Variants in VWA5B1 observed in about 807,000 individuals in gnomAD.
The protein encoded by VWA5B1 is von Willebrand factor A domain containing 5B1.
In VWA5B1, 115 loss-of-function variants were observed where a neutral mutation model predicts 118.2. The observed-to-expected ratio is 0.97, with a 90% CI of 0.84 to 1.14. VWA5B1 has a LOEUF of 1.14. Among genes scored for constraint, VWA5B1 ranks in the 50% most tolerant of loss-of-function variants. The pLI, the probability that VWA5B1 is intolerant of heterozygous loss-of-function variation, is 0.00. For missense variants in VWA5B1, 1,596 were observed against 1,603.8 expected (o/e 1.00, Z 0.08); for synonymous variants, 682 against 658.4 (o/e 1.04, Z -0.55).
At chr1:20,334,406 C>T (rs1373492276) in intron 12 of VWA5B1, among the ~76,000 whole-genome samples, 1 of 152,204 alleles carries the variant, frequency 6.6e-6, no homozygotes, top group Non-Finnish European at 1.5e-5. Flanking sequence ...TTACTCAATA[C>T]TGGCAACGTT....
intron 11 of VWA5B1, 64 bp from the exon 12 acceptor site, chr1:20,332,702 C>A (rs1446429764): frequency 1.3e-6 from 2 of 1,508,668 alleles, no homozygotes; most frequent in South Asian, 2.5e-5. Flanking sequence ...CTGATACTTA[C>A]ATGATCTTCT....
In VWA5B1 at chr1:20,337,640, G is replaced by A. The variant is rs757926574; in HGVS notation, c.1943-6G>A. The A allele has an allele frequency of 2.2e-5, 34 of 1,550,092 alleles. No individual in the cohort carries two copies. In the South Asian group the frequency reaches 2.7e-4, roughly 13 times the overall value. On this transcript the variant is annotated splice_polypyrimidine_tract_variant and splice_region_variant and intron_variant, in intron 13 of 21. Coordinates refer to ENST00000289815, the MANE Select transcript of VWA5B1 (RefSeq NM_001039500.3). ...CTGATGGTTCCCCATCACTATCCCT[G>A]TCCAGATCTGAACCTCTCTCAGCGA...
chr1:20,315,281 C>T (rs112457894), intron 4 of VWA5B1, among the ~76,000 whole-genome samples: 57 of 152,260 alleles, frequency 3.7e-4, no homozygotes, highest in African/African-American at 1.1e-3. Flanking sequence ...ACAGGTGGCA[C>T]GCAATGAGGC....
chr1:20,293,051 T>C (rs578045225), intron 1 of VWA5B1, among the ~76,000 whole-genome samples: 1 of 152,190 alleles, frequency 6.6e-6, no homozygotes. Flanking sequence ...CTCTAGACAC[T>C]GGCGATTAGG....
In VWA5B1 at chr1:20,343,162, C is replaced by T; in HGVS notation, c.2395C>T (p.Pro799Ser). 4 of 1,548,956 alleles carry T rather than the reference C, an allele frequency of 2.6e-6. No individual in the cohort carries two copies. The South Asian group carries it at 3.6e-5, about 14-fold the overall frequency. Residue 799 changes from proline (P) to serine (S), a missense_variant, in exon 16 of 22, where the codon CCC becomes TCC. Transcript: ENST00000289815. ...PPAESQERAS[P>S]SRPATPAPVL... is the part of the protein sequence containing the mutation. ...AGCCGAGTCCCAGGAGCGAGCCAGTCCCAGCAGGCCCGCCACCCCGGCCCC... is the reference window on the plus strand; with the variant it reads ...AGCCGAGTCCCAGGAGCGAGCCAGTTCCAGCAGGCCCGCCACCCCGGCCCC...
Position 20,343,287 on chromosome 1 carries a change from C to G in VWA5B1, c.2520C>G (p.Gly840=), listed in dbSNP as rs1209986226. 1 of 1,547,596 alleles carries G rather than the reference C, an allele frequency of 6.5e-7. No homozygotes were observed. Among genetic ancestry groups the G allele is most frequent in the African/African-American group, 1.4e-5 (1 of 73,008 alleles). ...ELGTPGPERG[G]AQDADLWSET... is the part of the protein sequence containing the mutation. Reference sequence around the variant, plus strand: ...GGACCCCTGGACCGGAGCGGGGCGGCGCGCAGGATGCCGACCTATGGAGCG... The same window carrying G: ...GGACCCCTGGACCGGAGCGGGGCGGGGCGCAGGATGCCGACCTATGGAGCG... The change falls in exon 16 of 22, where the codon GGC becomes GGG. Residue 840 remains glycine (G), a synonymous_variant. Coordinates refer to ENST00000289815, the MANE Select transcript of VWA5B1 (RefSeq NM_001039500.3).
In VWA5B1 at chr1:20,314,369, C is replaced by A. The variant is rs2088937912; in HGVS notation, c.340C>A (p.Pro114Thr). ...GVSIAPHSCT[P>T]GKVTLDEDLE... ...TTCCATAGCCCCTCATTCCTGCACACCGGGAAAGGTGACCTTGGACGAGGA... is the reference window on the plus strand; with the variant it reads ...TTCCATAGCCCCTCATTCCTGCACAACGGGAAAGGTGACCTTGGACGAGGA... The change falls in exon 4 of 22, where the codon CCG (proline) becomes ACG (threonine). Residue 114 changes from proline to threonine, a missense_variant. Coordinates refer to ENST00000289815, the MANE Select transcript of VWA5B1 (RefSeq NM_001039500.3). The A allele has an allele frequency of 6.4e-7, 1 of 1,552,018 alleles. No homozygotes were observed. Among genetic ancestry groups the A allele is most frequent in the East Asian group, 2.4e-5 (1 of 40,916 alleles).
chr1:20,345,939 T>TAACTAACA (rs1477647816), intron 17 of VWA5B1, among the ~76,000 whole-genome samples: 1 of 152,282 alleles, frequency 6.6e-6, no homozygotes, highest in African/African-American at 2.4e-5. Context: ...CCAACAGTCA[T>TAACTAACA]CCAGGAGTGT....
At chr1:20,298,012 T>G (rs375784720) in intron 1 of VWA5B1, among the ~76,000 whole-genome samples, 18,385 of 144,334 alleles carry the variant, frequency 0.13, 1,470 homozygotes, top group African/African-American at 0.25. Context: ...TTTTTTTTTT[T>G]TTTTTTGTTT....
intron 20 of VWA5B1, among the ~76,000 whole-genome samples, chr1:20,351,511 G>C (rs777699499): frequency 4.6e-5 from 7 of 152,104 alleles, no homozygotes; most frequent in Non-Finnish European, 8.8e-5. Flanking sequence ...AATTAGCCAG[G>C]CATGGTCGCA....
chr1:20,290,896 T>A lies in VWA5B1; in HGVS notation c.-219T>A, dbSNP rs2088284139. 6.6e-6 allele frequency: 1 copy of A among 152,382 alleles called. No individual in the cohort carries two copies. The highest frequency in any genetic ancestry group is 1.5e-5 in the Non-Finnish European group (1 of 68,108). The allele number at this position is 152,382 out of a possible 1,614,324, so 9.4% of individuals were successfully genotyped here. ...CTCTGACAAAACAAATGGCTCGGCCTCCTGCAGGCCACCTAAACAGCTATC... is the reference window on the plus strand; with the variant it reads ...CTCTGACAAAACAAATGGCTCGGCCACCTGCAGGCCACCTAAACAGCTATC... On this transcript the variant is annotated 5_prime_UTR_variant, in exon 1 of 22. Transcript: ENST00000289815.
Position 20,352,054 on chromosome 1 carries a change from G to A in VWA5B1, c.3024-1G>A, listed in dbSNP as rs1187986587. 1.3e-6 allele frequency: 2 copies of A among 1,550,800 alleles called. No individual in the cohort carries two copies. The highest frequency in any genetic ancestry group is 2.4e-5 in the East Asian group (1 of 40,880). Reference sequence around the variant, plus strand: ...AGGGCCACCTGACTTCACCTGCACAGGCTAAATCTCAACAAGTCCAGGCTA... The same window carrying A: ...AGGGCCACCTGACTTCACCTGCACAAGCTAAATCTCAACAAGTCCAGGCTA... On this transcript the variant is annotated splice_acceptor_variant, in intron 20 of 21. Transcript: ENST00000289815. LOFTEE classifies it high-confidence loss of function.
At chr1:20,317,385 T>G in intron 4 of VWA5B1, 145 bp from the exon 5 acceptor site, 1 of 1,088,876 alleles carries the variant, frequency 9.2e-7, no homozygotes, top group Non-Finnish European at 1.3e-6. Flanking sequence ...CTCCCTGGGG[T>G]CAGGTTGAGT....
chr1:20,321,968 T>G (rs1452710619), intron 7 of VWA5B1, among the ~76,000 whole-genome samples: 1 of 152,108 alleles, frequency 6.6e-6, no homozygotes, highest in Non-Finnish European at 1.5e-5. Context: ...GAACAGTCGC[T>G]CTGGCTGCTC....
intron 7 of VWA5B1, 164 bp from the exon 8 acceptor site, chr1:20,323,192 T>G (rs2089274542): frequency 1.8e-6 from 1 of 556,646 alleles, no homozygotes; most frequent in Non-Finnish European, 2.7e-6. Context: ...TTGCAACCCG[T>G]GAAGGTCTAG....
At chr1:20,352,018 T>C (rs1276165065) in intron 20 of VWA5B1, 37 bp from the exon 21 acceptor site, 2 of 1,522,758 alleles carry the variant, frequency 1.3e-6, no homozygotes, top group Non-Finnish European at 1.8e-6. Flanking sequence ...GCACTGGAGG[T>C]TGGGATGCCC....
intron 17 of VWA5B1, among the ~76,000 whole-genome samples, chr1:20,348,036 C>T (rs139940723): frequency 2.0e-5 from 3 of 152,288 alleles, no homozygotes; most frequent in Non-Finnish European, 4.4e-5. Context: ...CAGTGGGGTC[C>T]GCACCCATCC....
At chr1:20,295,844 C>T (rs2088396515) in intron 1 of VWA5B1, among the ~76,000 whole-genome samples, 1 of 152,114 alleles carries the variant, frequency 6.6e-6, no homozygotes. Flanking sequence ...TTATCTGTGA[C>T]CCCATAGATG....
Position 20,343,142 on chromosome 1 carries a change from A to T in VWA5B1, c.2375A>T (p.Glu792Val). Reference sequence around the variant, plus strand: ...TCCTCGGACTGGGACCCCCCAGCCGAGTCCCAGGAGCGAGCCAGTCCCAGC... The same window carrying T: ...TCCTCGGACTGGGACCCCCCAGCCGTGTCCCAGGAGCGAGCCAGTCCCAGC... ...ETSSDWDPPA[E>V]SQERASPSRP... is the part of the protein sequence containing the mutation. Residue 792 changes from glutamate to valine, a missense_variant, in exon 16 of 22, where the codon GAG becomes GTG. Glu to Val is a moderately radical substitution (Grantham distance 121, BLOSUM62 -2). Transcript: ENST00000289815. The T allele has an allele frequency of 6.5e-7, 1 of 1,546,274 alleles. No homozygotes were observed. The highest frequency in any genetic ancestry group is 1.2e-5 in the South Asian group (1 of 83,900).
Sources: gnomAD v4.1 joint callset for allele counts (sites outside exome capture counted in the v4.1 genomes callset) on GRCh38, gnomAD v4.1.1 for gene constraint, MANE v1.5 for transcripts, NCBI Gene and HGNC (gene_info 2026-07-23, HGNC 2026-07-21) for gene names.